The following KNTC1 variants were observed in gnomAD, a reference collection of about 807,000 sequenced individuals.
The protein encoded by KNTC1 is kinetochore associated 1.
Under a neutral mutation model 314.4 loss-of-function variants are expected in KNTC1, and 253 were observed. That is an observed-to-expected ratio of 0.80 (90% CI 0.73 to 0.89). The LOEUF is 0.89. Ranked by LOEUF, KNTC1 falls within the 40% of genes least tolerant of loss-of-function variation. KNTC1 has a pLI of 0.00. For missense variants in KNTC1, 2,475 were observed against 2,572.9 expected (o/e 0.96, Z 0.82); for synonymous variants, 901 against 901.4 (o/e 1.00, Z 0.01).
intron 42 of KNTC1, among the ~76,000 whole-genome samples, chr12:122,592,082 C>T (rs1870295806): frequency 6.6e-6 from 1 of 152,194 alleles, no homozygotes; most frequent in Admixed American, 6.5e-5. Flanking sequence ...GCTGGAGTTC[C>T]GGGTGGATGT....
At position 122,549,057 on chromosome 12, in the gene KNTC1, T is replaced by G. The variant is rs185232355; in HGVS notation, c.988-709T>G. ...TTTAGCTTTGTACTGTGTGTTTTAT[T>G]TATTTATTTATTTAGAGACAGTCTC... is the stretch of plus-strand genomic sequence containing the variant. On this transcript the variant is annotated intron_variant, in intron 12 of 63. Transcript: ENST00000333479. 2.0e-5 allele frequency among the ~76,000 whole-genome samples: 3 copies of G among 152,262 alleles called. No individual in the cohort carries two copies. In the East Asian group the frequency reaches 5.8e-4, roughly 29 times the overall value.
rs149300534 is a variant in KNTC1 at position 122,607,591 on chromosome 12, G to A, written c.5497-1793G>A. 6.6e-5 allele frequency among the ~76,000 whole-genome samples: 10 copies of A among 152,252 alleles called. No homozygotes were observed. The East Asian group carries it at 9.6e-4, about 15-fold the overall frequency. ...ATTTGGAGGCACATGAGGTCCCTTT[G>A]CCCTCACAGGTGATGTTAATTTAGG... On this transcript the variant is annotated intron_variant, in intron 51 of 63. Coordinates refer to ENST00000333479, the MANE Select transcript of KNTC1 (RefSeq NM_014708.6).
In KNTC1 at chr12:122,588,785, T is replaced by C; in HGVS notation, c.3968T>C (p.Ile1323Thr). ...MELKEKAVIFIRENATTLLHK... is the reference protein window; with the variant it reads ...MELKEKAVIFTRENATTLLHK... ...TTGAAAGAAAAAGCTGTTATATTTA[T>C]CAGGGAAAATGCTACAACACTACTG... Residue 1323 changes from isoleucine to threonine, a missense_variant, in exon 40 of 64, where the codon ATC becomes ACC. Coordinates refer to ENST00000333479, the MANE Select transcript of KNTC1 (RefSeq NM_014708.6). The C allele has an allele frequency of 2.6e-6, 4 of 1,564,886 alleles. No homozygotes were observed. The highest frequency in any genetic ancestry group is 3.5e-6 in the Non-Finnish European group (4 of 1,154,574).
chr12:122,547,527 C>A lies in KNTC1; in HGVS notation c.929C>A (p.Thr310Lys). ...TTEADSPSSV[T>K]WQGITNLKLI... Reference sequence around the variant, plus strand: ...GAAGCAGACTCTCCTTCATCAGTCACGTGGTATGTTATGACTATGGCTAGT... The same window carrying A: ...GAAGCAGACTCTCCTTCATCAGTCAAGTGGTATGTTATGACTATGGCTAGT... Residue 310 changes from threonine to lysine, a missense_variant, in exon 11 of 64, where the codon ACG (threonine) becomes AAG (lysine). Coordinates refer to ENST00000333479, the MANE Select transcript of KNTC1 (RefSeq NM_014708.6). The A allele has an allele frequency of 6.3e-7, 1 of 1,584,618 alleles. No homozygotes were observed. Among genetic ancestry groups the A allele is most frequent in the Non-Finnish European group, 8.7e-7 (1 of 1,154,388 alleles).
At chr12:122,548,239 T>TA (rs1191133640) in intron 12 of KNTC1, among the ~76,000 whole-genome samples, 1 of 152,120 alleles carries the variant, frequency 6.6e-6, no homozygotes, top group East Asian at 1.9e-4. Flanking sequence ...GATGGGATCT[T>TA]ACCCTGTCCC....
chr12:122,544,266 TG>T lies in KNTC1; in HGVS notation c.669+1del. The T allele has an allele frequency of 6.7e-7, 1 of 1,487,930 alleles. No homozygotes were observed. The allele number at this position is 1,487,930 out of a possible 1,614,324, so 92.2% of individuals were successfully genotyped here. On this transcript the variant is annotated frameshift_variant and splice_region_variant, in exon 8 of 64. Coordinates refer to ENST00000333479, the MANE Select transcript of KNTC1 (RefSeq NM_014708.6). LOFTEE classifies it high-confidence loss of function. The part of the protein sequence containing the change: ...DLASEVPVII[G>X]GTGNCAFSKW... ...TAGCAAGTGAAGTTCCTGTGATAAT[TG>T]GGGTAATTGTTTTTATAAAGTTTTG...
intron 59 of KNTC1, 66 bp from the exon 60 acceptor site, chr12:122,620,413 C>A: frequency 6.8e-7 from 1 of 1,472,224 alleles, no homozygotes; most frequent in Non-Finnish European, 9.3e-7. Flanking sequence ...CTATGGAAAG[C>A]TAGAAAGGCC....
At chr12:122,581,027 CAAA>C (rs11344365) in intron 33 of KNTC1, among the ~76,000 whole-genome samples, 18 of 117,900 alleles carry the variant, frequency 1.5e-4, no homozygotes, top group African/African-American at 1.3e-4. Context: ...GACTCCATCT[CAAA>C]AAAAAAAAAA....
chr12:122,528,461 AAAAC>A (rs1248833939), intron 1 of KNTC1, among the ~76,000 whole-genome samples: 88 of 152,328 alleles, frequency 5.8e-4, no homozygotes, highest in African/African-American at 2.0e-3. Flanking sequence ...TTTAAAACTC[AAAAC>A]ATTTGGAGGC....
At chr12:122,596,579 G>A (rs530609365) in intron 43 of KNTC1, among the ~76,000 whole-genome samples, 2 of 151,504 alleles carry the variant, frequency 1.3e-5, no homozygotes, top group African/African-American at 4.8e-5. Flanking sequence ...GGTGGCTAAC[G>A]CCTATAATCC....
chr12:122,612,481 G>A (rs1337936069), intron 53 of KNTC1, among the ~76,000 whole-genome samples: 6 of 143,500 alleles, frequency 4.2e-5, no homozygotes, highest in East Asian at 2.1e-4. Context: ...GTGCAGTGGC[G>A]CGATCTCAGC....
At chr12:122,580,234 C>T (rs920408036) in intron 32 of KNTC1, among the ~76,000 whole-genome samples, 13 of 152,186 alleles carry the variant, frequency 8.5e-5, no homozygotes, top group Admixed American at 1.3e-4. Flanking sequence ...ATTTCCTTAG[C>T]GTCTCGCACT....
intron 43 of KNTC1, among the ~76,000 whole-genome samples, chr12:122,595,710 G>A (rs1646677085): frequency 6.6e-6 from 1 of 152,202 alleles, no homozygotes; most frequent in Non-Finnish European, 1.5e-5. Flanking sequence ...TATAAATCCA[G>A]AATAGGGTAT....
intron 27 of KNTC1, 120 bp downstream of exon 27, chr12:122,574,500 G>T (rs542877185): frequency 8.0e-6 from 5 of 621,572 alleles, no homozygotes; most frequent in African/African-American, 1.9e-5. Flanking sequence ...TGGCTGTGTC[G>T]CCCAGGCTGG....
At chr12:122,608,101 T>C (rs1343879128) in intron 51 of KNTC1, among the ~76,000 whole-genome samples, 1 of 152,128 alleles carries the variant, frequency 6.6e-6, no homozygotes, top group Non-Finnish European at 1.5e-5. Context: ...AATAGTGTAA[T>C]ATGACATTAG....
chr12:122,546,312 G>T, intron 9 of KNTC1, 43 bp downstream of exon 9: 1 of 1,217,350 alleles, frequency 8.2e-7, no homozygotes, highest in Non-Finnish European at 1.2e-6. Flanking sequence ...TTATTAGTGA[G>T]TTTTAATTTT....
At position 122,566,311 on chromosome 12, in the gene KNTC1, G is replaced by A. The variant is rs531243831; in HGVS notation, c.1605-1950G>A. On this transcript the variant is annotated intron_variant, in intron 20 of 63. Transcript: ENST00000333479. ...CGCCCAGGCTCGAGTGCGGTGGCTCGATCTTGACTCTGGCTCACTGCAGCC... is the reference window on the plus strand; with the variant it reads ...CGCCCAGGCTCGAGTGCGGTGGCTCAATCTTGACTCTGGCTCACTGCAGCC... Among the ~76,000 whole-genome samples, 4 of 150,108 alleles carry A rather than the reference G, an allele frequency of 2.7e-5. No individual in the cohort carries two copies. The South Asian group carries it at 6.3e-4, about 24-fold the overall frequency.
At position 122,582,983 on chromosome 12, in the gene KNTC1, C is replaced by G. The variant is rs754544017; in HGVS notation, c.3261C>G (p.Cys1087Trp). ...ACATCAAAACAGCACTGAAAAAATG[C>G]AGGTGACATTCCAGATCCCTGAATT... is the stretch of plus-strand genomic sequence containing the variant. ...DGNIKTALKK[C>W]SDLFKYHCNA... The change falls in exon 34 of 64, where the codon TGC (cysteine) becomes TGG (tryptophan). Residue 1087 changes from cysteine to tryptophan, a missense_variant and splice_region_variant. Coordinates refer to ENST00000333479, the MANE Select transcript of KNTC1 (RefSeq NM_014708.6). 2 of 1,603,218 alleles carry G rather than the reference C, an allele frequency of 1.2e-6. No individual in the cohort carries two copies. Among genetic ancestry groups the G allele is most frequent in the South Asian group, 1.1e-5 (1 of 90,336 alleles).
At chr12:122,585,392 T>C (rs1255208346) in intron 36 of KNTC1, among the ~76,000 whole-genome samples, 1 of 152,172 alleles carries the variant, frequency 6.6e-6, no homozygotes, top group Non-Finnish European at 1.5e-5. Flanking sequence ...CCACCTCTTA[T>C]GTTTTCTTAC....
Sources: gnomAD v4.1 joint callset for allele counts (sites outside exome capture counted in the v4.1 genomes callset) on GRCh38, gnomAD v4.1.1 for gene constraint, MANE v1.5 for transcripts, NCBI Gene and HGNC (gene_info 2026-07-23, HGNC 2026-07-21) for gene names.